Variants in TMEM132E observed in about 807,000 individuals in gnomAD.
TMEM132E encodes transmembrane protein 132E.
Under a neutral mutation model 78.5 loss-of-function variants are expected in TMEM132E, and 49 were observed. The ratio of observed to expected loss-of-function variants is 0.62; its 90% CI spans 0.50 to 0.79. The LOEUF (loss-of-function observed/expected upper bound fraction) is 0.79, where lower values mean the gene tolerates loss of function less well. Ranked by LOEUF, TMEM132E falls within the 30% of genes least tolerant of loss-of-function variation. The probability of loss-of-function intolerance (pLI) is 0.00; values close to 1 mark genes in which losing one functional copy is unlikely to be tolerated. For synonymous variants in TMEM132E, 715 were observed against 670.6 expected, an observed-to-expected ratio of 1.07 and a Z score of -1.02; for missense variants, 1,403 against 1,470.9, an observed-to-expected ratio of 0.95 and a Z score of 0.75.
At chr17:34,615,640 A>C (rs1906756340) in intron 1 of TMEM132E, among the ~76,000 whole-genome samples, 1 of 151,584 alleles carries the variant, frequency 6.6e-6, no homozygotes, top group Admixed American at 6.6e-5. Context: ...GACCATGTGT[A>C]AGACTCTGTG....
At chr17:34,584,955 A>AC (rs1905615565) in intron 1 of TMEM132E, among the ~76,000 whole-genome samples, 1 of 152,032 alleles carries the variant, frequency 6.6e-6, no homozygotes, top group African/African-American at 2.4e-5. Context: ...TTGTGTCCAC[A>AC]CCCCTACCCC....
At position 34,626,911 on chromosome 17, in the gene TMEM132E, C is replaced by T; in HGVS notation, c.852C>T (p.Thr284=). The part of the protein sequence containing the change: ...ISLFRPPPRR[T]LQEHRLDSNL... Reference sequence around the variant, plus strand: ...TGTTCCGCCCGCCCCCCAGGAGGACCCTGCAGGAGCACAGGCTGGACAGCA... The same window carrying T: ...TGTTCCGCCCGCCCCCCAGGAGGACTCTGCAGGAGCACAGGCTGGACAGCA... Residue 284 remains threonine (T), a synonymous_variant, in exon 2 of 9, where the codon ACC becomes ACT. Coordinates refer to ENST00000631683, the MANE Select transcript of TMEM132E (RefSeq NM_001304438.2). The T allele has an allele frequency of 6.2e-7, 1 of 1,613,580 alleles. No individual in the cohort carries two copies.
At chr17:34,587,891 G>A (rs1055091023) in intron 1 of TMEM132E, among the ~76,000 whole-genome samples, 1 of 152,224 alleles carries the variant, frequency 6.6e-6, no homozygotes, top group Non-Finnish European at 1.5e-5. Flanking sequence ...AGGCTCAACA[G>A]AGTCCTGGCT....
intron 1 of TMEM132E, among the ~76,000 whole-genome samples, chr17:34,624,792 G>T (rs542302381): frequency 6.6e-6 from 1 of 152,228 alleles, no homozygotes; most frequent in African/African-American, 2.4e-5. Context: ...AGATAGGAGC[G>T]CTTCTTTGAT....
rs371248579 is a variant in TMEM132E, at chr17:34,626,320, G to T, written c.261G>T (p.Leu87=). ...TCGTGGTGTTCCAGACCAAGGAGCT[G>T]CCGGTCCTCAACGTCTCTCTGGGGC... The part of the protein sequence containing the change: ...EPFVVFQTKE[L]PVLNVSLGPF... Residue 87 remains leucine, a synonymous_variant, in exon 2 of 9, where the codon CTG becomes CTT. Coordinates refer to ENST00000631683, the MANE Select transcript of TMEM132E (RefSeq NM_001304438.2). 1.2e-5 allele frequency: 20 copies of T among 1,612,306 alleles called. No homozygotes were observed. Among genetic ancestry groups the T allele is most frequent in the Non-Finnish European group, 1.7e-5 (20 of 1,179,428 alleles).
intron 1 of TMEM132E, among the ~76,000 whole-genome samples, chr17:34,611,442 G>C (rs1906590687): frequency 6.6e-6 from 1 of 152,236 alleles, no homozygotes; most frequent in Non-Finnish European, 1.5e-5. Flanking sequence ...TGGAAAATGA[G>C]TGGTTTGAAC....
intron 6 of TMEM132E, among the ~76,000 whole-genome samples, chr17:34,633,151 G>A (rs1462364370): frequency 6.6e-6 from 1 of 152,240 alleles, no homozygotes; most frequent in Non-Finnish European, 1.5e-5. Flanking sequence ...AGGGGAGGAA[G>A]GCATGTGCAT....
At chr17:34,613,191 A>C (rs1597684551) in intron 1 of TMEM132E, among the ~76,000 whole-genome samples, 2 of 113,466 alleles carry the variant, frequency 1.8e-5, no homozygotes, top group Non-Finnish European at 4.0e-5. Flanking sequence ...ACACACACAC[A>C]CACACCCACA....
intron 1 of TMEM132E, among the ~76,000 whole-genome samples, chr17:34,595,892 A>G (rs1906041843): frequency 6.6e-6 from 1 of 152,206 alleles, no homozygotes; most frequent in Non-Finnish European, 1.5e-5. Context: ...ATTTACATTG[A>G]GTAACCAGAT....
intron 1 of TMEM132E, among the ~76,000 whole-genome samples, chr17:34,590,571 C>G (rs2142051818): frequency 6.6e-6 from 1 of 152,106 alleles, no homozygotes; most frequent in East Asian, 1.9e-4. Context: ...AATCAGCCAG[C>G]ATCTACTGTT....
intron 4 of TMEM132E, 52 bp from the exon 5 acceptor site, chr17:34,629,956 C>A: frequency 1.3e-6 from 2 of 1,554,492 alleles, no homozygotes; most frequent in African/African-American, 1.4e-5. Context: ...GCTAGTGTGT[C>A]CCAGGACAGA....
intron 1 of TMEM132E, among the ~76,000 whole-genome samples, chr17:34,595,028 G>A (rs1053498859): frequency 1.3e-5 from 2 of 152,254 alleles, no homozygotes; most frequent in Non-Finnish European, 2.9e-5. Flanking sequence ...TGCTGGAGGA[G>A]CAGGGACTGG....
intron 1 of TMEM132E, among the ~76,000 whole-genome samples, chr17:34,587,722 G>A (rs888420601): frequency 2.6e-5 from 4 of 152,166 alleles, no homozygotes; most frequent in African/African-American, 9.7e-5. Context: ...AGGAGCACAG[G>A]TGCACACTCA....
In TMEM132E at chr17:34,579,797, A is replaced by G. The variant is rs9890151; in HGVS notation, c.-1280A>G. 0.85 allele frequency: 128,969 copies of G among 152,200 alleles called. 54,721 individuals carry two copies. Among genetic ancestry groups the G allele is most frequent in the African/African-American group, 0.88 (36,723 of 41,548 alleles). 9.4% of individuals were successfully genotyped at this position (152,200 alleles called of 1,614,324 possible). A position where few individuals can be genotyped will look rare whatever the true frequency, so the allele number is the denominator to read the frequency against. On this transcript the variant is annotated 5_prime_UTR_variant, in exon 1 of 9. Transcript: ENST00000631683. ...ACCAGCTGCCGCTTCCCTGGCCGCA[A>G]GCTGCGCAGGTGCCGGCTGCCCTGG...
At chr17:34,614,876 C>G (rs1270383623) in intron 1 of TMEM132E, 1 of 152,458 alleles carries the variant, frequency 6.6e-6, no homozygotes, top group African/African-American at 2.4e-5. Flanking sequence ...GAGGCTCTGT[C>G]CCTCAGTGCC....
At position 34,639,238 on chromosome 17, in the gene TMEM132E, ACC is replaced by A; in HGVS notation, c.*1007_*1008del. On this transcript the variant is annotated 3_prime_UTR_variant, in exon 9 of 9. Coordinates refer to ENST00000631683, the MANE Select transcript of TMEM132E (RefSeq NM_001304438.2). ...GCCATTTTTCTCTCGGGTTCTACCCACCACTGTGTCGGATTTTTCTTAAATAA... is the reference window on the plus strand; with the variant it reads ...GCCATTTTTCTCTCGGGTTCTACCCAACTGTGTCGGATTTTTCTTAAATAA... The A allele has an allele frequency of 6.5e-6, 1 of 152,694 alleles. No homozygotes were observed. Among genetic ancestry groups the A allele is most frequent in the African/African-American group, 2.4e-5 (1 of 41,558 alleles). The allele number at this position is 152,694 out of a possible 1,614,324, so 9.5% of individuals were successfully genotyped here. A position where few individuals can be genotyped will look rare whatever the true frequency, so the allele number is the denominator to read the frequency against.
At position 34,626,130 on chromosome 17, in the gene TMEM132E, C is replaced by G; in HGVS notation, c.71C>G (p.Ser24Cys). ...TCTTTCCTCTGTCTGTCCCCAGCCT[C>G]TGGCCGCTCCCACCCGGCCAGCCCC... ...LCLSALLAHA[S>C]GRSHPASPSP... Residue 24 changes from serine to cysteine, a missense_variant, in exon 2 of 9, where the codon TCT becomes TGT. Physicochemically the swap from Ser to Cys is moderately radical, Grantham distance 112. Transcript: ENST00000631683. 6.6e-7 allele frequency: 1 copy of G among 1,515,926 alleles called. No individual in the cohort carries two copies. The highest frequency in any genetic ancestry group is 2.4e-5 in the East Asian group (1 of 42,212). 93.9% of individuals were successfully genotyped at this position (1,515,926 alleles called of 1,614,324 possible).
Position 34,613,174 on chromosome 17 carries a change from TAC to T in TMEM132E, c.68-12932_68-12931del, listed in dbSNP as rs1052726474. 3.1e-3 allele frequency among the ~76,000 whole-genome samples: 339 copies of T among 109,206 alleles called. 1 individual carries two copies. The highest frequency in any genetic ancestry group is 4.5e-3 in the Non-Finnish European group (233 of 51,316). 71.6% of individuals were successfully genotyped at this position (109,206 alleles called of 152,430 possible). A position where few individuals can be genotyped will look rare whatever the true frequency, so the allele number is the denominator to read the frequency against. On this transcript the variant is annotated intron_variant, in intron 1 of 8. Transcript: ENST00000631683. ...CACACTCTCTCTCTCTCTCTCTCTC[TAC>T]ACACACACACACACACACACCCACA...
intron 1 of TMEM132E, among the ~76,000 whole-genome samples, chr17:34,609,267 A>T (rs1567715014): frequency 6.6e-6 from 1 of 152,102 alleles, no homozygotes; most frequent in African/African-American, 2.4e-5. Flanking sequence ...GAGCTTGGGT[A>T]AGGCCTCAGG....
Sources: gnomAD v4.1 joint callset for allele counts (sites outside exome capture counted in the v4.1 genomes callset) on GRCh38, gnomAD v4.1.1 for gene constraint, MANE v1.5 for transcripts, NCBI Gene and HGNC (gene_info 2026-07-23, HGNC 2026-07-21) for gene names.